Variants in GNA12 observed in about 807,000 individuals in gnomAD.
GNA12 encodes guanine nucleotide-binding protein subunit alpha-12.
In GNA12, 9 loss-of-function variants were observed where a neutral mutation model predicts 26.0. The ratio of observed to expected loss-of-function variants is 0.35; its 90% CI spans 0.21 to 0.60. The LOEUF is 0.60. GNA12 is among the 20% of genes least tolerant of loss of function. The pLI is 0.78. For missense variants in GNA12, 405 were observed against 525.8 expected, an observed-to-expected ratio of 0.77 and a Z score of 2.25; for synonymous variants, 264 against 219.6, an observed-to-expected ratio of 1.20 and a Z score of -1.79.
At chr7:2,789,434 C>G (rs956073737) in intron 2 of GNA12, among the ~76,000 whole-genome samples, 1 of 152,160 alleles carries the variant, frequency 6.6e-6, no homozygotes, top group African/African-American at 2.4e-5. Context: ...CGCGCCCGGC[C>G]CCTTCAGGCA....
At chr7:2,839,364 A>C (rs1376068291) in intron 1 of GNA12, among the ~76,000 whole-genome samples, 1 of 151,992 alleles carries the variant, frequency 6.6e-6, no homozygotes, top group Non-Finnish European at 1.5e-5. Flanking sequence ...CCCAGGTTCA[A>C]GTGTGCACCA....
intron 1 of GNA12, among the ~76,000 whole-genome samples, chr7:2,813,640 G>C (rs1793139008): frequency 6.6e-6 from 1 of 152,192 alleles, no homozygotes; most frequent in Non-Finnish European, 1.5e-5. Flanking sequence ...AAATGAAAAT[G>C]GAAATGGAGG....
chr7:2,742,091 A>G (rs545795471), intron 2 of GNA12, among the ~76,000 whole-genome samples: 2 of 151,672 alleles, frequency 1.3e-5, no homozygotes, highest in Non-Finnish European at 2.9e-5. Context: ...GGGCGATCTC[A>G]GCTCACTGCA....
intron 2 of GNA12, among the ~76,000 whole-genome samples, chr7:2,779,713 T>C (rs143506540): frequency 0.024 from 3,580 of 152,080 alleles, 101 homozygotes; most frequent in Middle Eastern, 0.075. Flanking sequence ...ATTCTCATGC[T>C]GCAGCCTCCT....
chr7:2,767,940 C>T (rs527868849), intron 2 of GNA12, among the ~76,000 whole-genome samples: 40 of 152,296 alleles, frequency 2.6e-4, no homozygotes, highest in African/African-American at 9.1e-4. Context: ...CTGCAACCTC[C>T]GCCTCCTGGG....
At chr7:2,811,942 GT>G (rs892423911) in intron 1 of GNA12, among the ~76,000 whole-genome samples, 1 of 152,216 alleles carries the variant, frequency 6.6e-6, no homozygotes, top group Non-Finnish European at 1.5e-5. Context: ...AAGGAAATCT[GT>G]TTTTTTCACG....
chr7:2,814,161 A>C, intron 1 of GNA12: 1 of 617,026 alleles, frequency 1.6e-6, no homozygotes, highest in Non-Finnish European at 2.9e-6. Flanking sequence ...AGAACATGGG[A>C]CTTCTCAGCT....
chr7:2,827,138 G>A (rs1196504128), intron 1 of GNA12, among the ~76,000 whole-genome samples: 1 of 152,106 alleles, frequency 6.6e-6, no homozygotes, highest in African/African-American at 2.4e-5. Flanking sequence ...GACACAAAAG[G>A]TCACATATTA....
At chr7:2,829,852 T>C (rs77180899) in intron 1 of GNA12, among the ~76,000 whole-genome samples, 1,567 of 152,312 alleles carry the variant, frequency 0.01, 12 homozygotes, top group Middle Eastern at 0.071. Flanking sequence ...ACCTGGTTTG[T>C]CTTCTTGGAC....
At chr7:2,745,776 T>A (rs1486814129) in intron 2 of GNA12, among the ~76,000 whole-genome samples, 2 of 152,038 alleles carry the variant, frequency 1.3e-5, no homozygotes, top group Non-Finnish European at 2.9e-5. Context: ...AGGAAACCCA[T>A]CTCACGTGCA....
chr7:2,780,252 A>T (rs974091435), intron 2 of GNA12, among the ~76,000 whole-genome samples: 1 of 151,672 alleles, frequency 6.6e-6, no homozygotes, highest in Admixed American at 6.6e-5. Flanking sequence ...TCAGTATTCC[A>T]GTTTAGTCAA....
intron 2 of GNA12, chr7:2,760,521 C>A (rs1272309957): frequency 6.6e-6 from 1 of 152,368 alleles, no homozygotes; most frequent in Non-Finnish European, 1.5e-5. Flanking sequence ...CTGGGCAGAG[C>A]CTATTCTTCA....
At chr7:2,773,417 C>A (rs1791996963) in intron 2 of GNA12, among the ~76,000 whole-genome samples, 1 of 152,268 alleles carries the variant, frequency 6.6e-6, no homozygotes, top group African/African-American at 2.4e-5. Context: ...CAAAAATTAG[C>A]CAGGCGTGGT....
rs58917196 is a variant in GNA12 at position 2,768,687 on chromosome 7, C to CA, written c.525+26240dup. Among the ~76,000 whole-genome samples the CA allele has an allele frequency of 2.2e-3, 271 of 125,188 alleles. 2 individuals are homozygous for CA. Among genetic ancestry groups the CA allele is most frequent in the East Asian group, 6.7e-3 (33 of 4,892 alleles). 82.1% of individuals were successfully genotyped at this position (125,188 alleles called of 152,430 possible). On this transcript the variant is annotated intron_variant, in intron 2 of 3. Transcript: ENST00000275364. ...AAGGTAAAAAAAAAACAAAACAAAA[C>CA]AAAAAAAAAAACAGTAAACCTATGG...
chr7:2,762,497 G>A (rs914276301), intron 2 of GNA12: 15 of 834,474 alleles, frequency 1.8e-5, no homozygotes, highest in Non-Finnish European at 2.5e-5. Flanking sequence ...CCTGAGGTGT[G>A]AGTAGCCTAA....
intron 1 of GNA12, among the ~76,000 whole-genome samples, chr7:2,822,132 G>C (rs1481281421): frequency 6.6e-6 from 1 of 152,188 alleles, no homozygotes; most frequent in Non-Finnish European, 1.5e-5. Context: ...AATGTGCTTA[G>C]CCTTCCCATT....
chr7:2,752,303 G>A (rs959727777), intron 2 of GNA12, among the ~76,000 whole-genome samples: 3 of 152,110 alleles, frequency 2.0e-5, no homozygotes, highest in Non-Finnish European at 4.4e-5. Flanking sequence ...GTTTGATAAA[G>A]GGCATCTATG....
intron 2 of GNA12, among the ~76,000 whole-genome samples, chr7:2,770,663 C>G (rs1014687738): frequency 1.3e-5 from 2 of 151,834 alleles, no homozygotes; most frequent in Non-Finnish European, 2.9e-5. Context: ...CAAAACAAAA[C>G]AAAACAACAC....
intron 2 of GNA12, among the ~76,000 whole-genome samples, chr7:2,741,349 T>C (rs879238748): frequency 1.3e-4 from 20 of 152,162 alleles, no homozygotes; most frequent in Middle Eastern, 3.4e-3. Flanking sequence ...AGTGAGACAC[T>C]GTCTCTTAAA....
Sources: gnomAD v4.1 joint callset for allele counts (sites outside exome capture counted in the v4.1 genomes callset) on GRCh38, gnomAD v4.1.1 for gene constraint, MANE v1.5 for transcripts, NCBI Gene and HGNC (gene_info 2026-07-23, HGNC 2026-07-21) for gene names.